BARD1: variants seen among roughly 807,000 people sequenced by gnomAD.
BARD1 encodes the protein BRCA1-associated RING domain protein 1.
A neutral mutation model predicts 77.0 loss-of-function variants in BARD1; 73 were observed. The ratio of observed to expected loss-of-function variants is 0.95; its 90% CI spans 0.79 to 1.15. The LOEUF (loss-of-function observed/expected upper bound fraction) is 1.15, where lower values mean the gene tolerates loss of function less well. Ranked by LOEUF, BARD1 falls within the 50% of genes most tolerant of loss-of-function variation. BARD1 has a pLI of 0.00. For synonymous variants in BARD1, 384 were observed against 338.0 expected, an observed-to-expected ratio of 1.14 and a Z score of -1.49; for missense variants, 993 against 938.8, an observed-to-expected ratio of 1.06 and a Z score of -0.75.
intron 6 of BARD1, among the ~76,000 whole-genome samples, chr2:214,764,530 G>C (rs910076464): frequency 6.6e-6 from 1 of 152,004 alleles, no homozygotes; most frequent in African/African-American, 2.4e-5. Context: ...CAGAAAAGCT[G>C]GTGCAAAAAA....
At chr2:214,756,126 A>G (rs1456207764) in intron 6 of BARD1, among the ~76,000 whole-genome samples, 2 of 152,090 alleles carry the variant, frequency 1.3e-5, no homozygotes, top group East Asian at 1.9e-4. Flanking sequence ...ATAATTCCCA[A>G]TGCTGGAGGT....
At chr2:214,803,187 G>C (rs180906043) in intron 1 of BARD1, among the ~76,000 whole-genome samples, 3 of 122,206 alleles carry the variant, frequency 2.5e-5, no homozygotes, top group Non-Finnish European at 5.3e-5. Flanking sequence ...CAAACACTGC[G>C]GAAGGACCCC....
At chr2:214,746,946 A>T (rs1693150094) in intron 7 of BARD1, among the ~76,000 whole-genome samples, 1 of 152,156 alleles carries the variant, frequency 6.6e-6, no homozygotes, top group Admixed American at 6.5e-5. Flanking sequence ...AAATTTTTGC[A>T]ACCTACTCAT....
At chr2:214,733,732 T>C (rs1418961286) in intron 9 of BARD1, among the ~76,000 whole-genome samples, 4 of 152,168 alleles carry the variant, frequency 2.6e-5, no homozygotes, top group African/African-American at 9.7e-5. Context: ...AGCAATCCAC[T>C]ATCAAATTTA....
intron 9 of BARD1, among the ~76,000 whole-genome samples, chr2:214,740,930 G>T (rs981936747): frequency 6.6e-6 from 1 of 151,938 alleles, no homozygotes; most frequent in Non-Finnish European, 1.5e-5. Context: ...AGCAAAGTCT[G>T]TATAGAATAA....
intron 4 of BARD1, among the ~76,000 whole-genome samples, chr2:214,778,793 C>G (rs555828268): frequency 6.6e-6 from 1 of 152,058 alleles, no homozygotes; most frequent in Non-Finnish European, 1.5e-5. Context: ...AAAGAACTTA[C>G]AAAACTCTGG....
intron 4 of BARD1, among the ~76,000 whole-genome samples, chr2:214,770,250 T>C (rs1694417681): frequency 6.6e-6 from 1 of 152,232 alleles, no homozygotes; most frequent in African/African-American, 2.4e-5. Flanking sequence ...AAGACTAAAA[T>C]CACCACCCAT....
chr2:214,735,259 T>C lies in BARD1; in HGVS notation c.1904-4751A>G, dbSNP rs546884721. On this transcript the variant is annotated intron_variant, in intron 9 of 10. Transcript: ENST00000260947. The stretch of plus-strand genomic sequence containing the variant: ...TGTATTATGAGGCCATTTTAAATAA[T>C]AAAATCAGCAACAAAAACACAAAAA... Among the ~76,000 whole-genome samples the C allele has an allele frequency of 1.2e-4, 18 of 152,160 alleles. No homozygotes were observed. In the South Asian group the frequency reaches 3.5e-3, roughly 30 times the overall value.
At chr2:214,735,525 G>T (rs1249292403) in intron 9 of BARD1, among the ~76,000 whole-genome samples, 1 of 152,128 alleles carries the variant, frequency 6.6e-6, no homozygotes, top group Non-Finnish European at 1.5e-5. Flanking sequence ...AAACAATGAG[G>T]ATTTACTGTT....
At chr2:214,765,840 TAA>T (rs1021633907) in intron 6 of BARD1, among the ~76,000 whole-genome samples, 1 of 152,120 alleles carries the variant, frequency 6.6e-6, no homozygotes, top group Admixed American at 6.6e-5. Flanking sequence ...TGATGAGAGA[TAA>T]AAGAGATTAG....
chr2:214,782,756 G>A lies in BARD1; in HGVS notation c.365-1247C>T, dbSNP rs979798264. Among the ~76,000 whole-genome samples, 8 of 152,274 alleles carry A rather than the reference G, an allele frequency of 5.3e-5. No homozygotes were observed. The South Asian group carries it at 8.3e-4, about 16-fold the overall frequency. ...TAAATGATGTAAAGGAAACAGTCCT[G>A]TGGATCTCACATCCAATGCAGAAAA... On this transcript the variant is annotated intron_variant, in intron 3 of 10. Transcript: ENST00000260947.
At chr2:214,766,031 C>G (rs1394301957) in intron 6 of BARD1, among the ~76,000 whole-genome samples, 1 of 152,084 alleles carries the variant, frequency 6.6e-6, no homozygotes, top group Non-Finnish European at 1.5e-5. Context: ...CTTTTCAAAC[C>G]TATAGAAGCA....
At chr2:214,733,118 C>T (rs959798842) in intron 9 of BARD1, among the ~76,000 whole-genome samples, 2 of 152,156 alleles carry the variant, frequency 1.3e-5, no homozygotes, top group African/African-American at 4.8e-5. Context: ...AAGTGACTTG[C>T]TAAGATCACT....
intron 10 of BARD1, chr2:214,730,157 GAGATTTACCTC>G: frequency 2.0e-6 from 1 of 497,852 alleles, no homozygotes; most frequent in Non-Finnish European, 3.6e-6. Flanking sequence ...TCCTGTATCT[GAGATTTACCTC>G]AGATTCTGAA....
intron 3 of BARD1, among the ~76,000 whole-genome samples, chr2:214,783,586 G>A (rs1446119339): frequency 6.6e-6 from 1 of 152,012 alleles, no homozygotes; most frequent in Admixed American, 6.6e-5. Flanking sequence ...AGGGGAGTGA[G>A]AGCATTAGGA....
chr2:214,780,413 G>A, intron 4 of BARD1, 147 bp downstream of exon 4: 1 of 731,766 alleles, frequency 1.4e-6, no homozygotes, highest in Non-Finnish European at 2.3e-6. Flanking sequence ...CTCTCCCTAT[G>A]AATCTGGCTT....
At chr2:214,796,824 C>T (rs1366043986) in intron 2 of BARD1, 6 of 505,996 alleles carry the variant, frequency 1.2e-5, no homozygotes, top group African/African-American at 1.9e-5. Context: ...TCCAATTTGG[C>T]AAAGCTGTCT....
At chr2:214,764,053 G>C (rs1159048115) in intron 6 of BARD1, among the ~76,000 whole-genome samples, 1 of 152,174 alleles carries the variant, frequency 6.6e-6, no homozygotes, top group Non-Finnish European at 1.5e-5. Flanking sequence ...AAAGCTGCCA[G>C]GAACCAGTTC....
Position 214,782,843 on chromosome 2 carries a change from G to T in BARD1, c.365-1334C>A, listed in dbSNP as rs187882959. ...GACTGCCATGTGGAGGAGGAACTTT[G>T]GAAAGAAAAGAGTAGAAACAATAGC... On this transcript the variant is annotated intron_variant, in intron 3 of 10. Coordinates refer to ENST00000260947, the MANE Select transcript of BARD1 (RefSeq NM_000465.4). Among the ~76,000 whole-genome samples the T allele has an allele frequency of 1.6e-3, 243 of 152,194 alleles. 2 individuals carry two copies. The highest frequency in any genetic ancestry group is 5.3e-3 in the African/African-American group (221 of 41,520).
Sources: gnomAD v4.1 joint callset for allele counts (sites outside exome capture counted in the v4.1 genomes callset) on GRCh38, gnomAD v4.1.1 for gene constraint, MANE v1.5 for transcripts, NCBI Gene and HGNC (gene_info 2026-07-23, HGNC 2026-07-21) for gene names.